RASGRP1: variants seen among roughly 807,000 people sequenced by gnomAD.
The protein encoded by RASGRP1 is RAS guanyl-releasing protein 1.
Under a neutral mutation model 95.1 loss-of-function variants are expected in RASGRP1, and 37 were observed. That is an observed-to-expected ratio of 0.39 (90% CI 0.30 to 0.51). The LOEUF (loss-of-function observed/expected upper bound fraction) is 0.51. Among genes scored for constraint, RASGRP1 ranks in the 20% least tolerant of loss-of-function variants. The probability of loss-of-function intolerance (pLI) is 0.80; values close to 1 mark genes in which losing one functional copy is unlikely to be tolerated. For synonymous variants in RASGRP1, 325 were observed against 353.4 expected, an observed-to-expected ratio of 0.92 and a Z score of 0.90; for missense variants, 711 against 965.4, an observed-to-expected ratio of 0.74 and a Z score of 3.49.
chr15:38,519,794 A>G (rs1187268727), intron 3 of RASGRP1, among the ~76,000 whole-genome samples: 2 of 152,130 alleles, frequency 1.3e-5, no homozygotes, highest in Non-Finnish European at 2.9e-5. Flanking sequence ...ATCTTTTACA[A>G]TGTTTCTTTT....
intron 3 of RASGRP1, chr15:38,524,528 T>C (rs1312811051): frequency 6.6e-6 from 1 of 152,266 alleles, no homozygotes; most frequent in Non-Finnish European, 1.5e-5. Context: ...TGCCTAATGC[T>C]TCTGGGGGTC....
At chr15:38,548,066 C>T (rs1362113498) in intron 2 of RASGRP1, among the ~76,000 whole-genome samples, 1 of 150,938 alleles carries the variant, frequency 6.6e-6, no homozygotes, top group Non-Finnish European at 1.5e-5. Flanking sequence ...ATGTCAAGTA[C>T]ATGACACGGG....
intron 1 of RASGRP1, 107 bp downstream of exon 1, chr15:38,564,486 GC>G: frequency 1.2e-5 from 12 of 1,013,608 alleles, no homozygotes; most frequent in Non-Finnish European, 1.3e-5. Flanking sequence ...GCCGACCCCG[GC>G]CCCCCTCCGC....
At chr15:38,490,807 C>A in intron 16 of RASGRP1, 119 bp from the exon 17 acceptor site, 3 of 1,052,670 alleles carry the variant, frequency 2.8e-6, no homozygotes, top group East Asian at 2.6e-5. Flanking sequence ...AATTAACAAC[C>A]ATTTTCAAGA....
intron 2 of RASGRP1, among the ~76,000 whole-genome samples, chr15:38,554,236 G>A (rs1893456751): frequency 6.6e-6 from 1 of 152,102 alleles, no homozygotes; most frequent in African/African-American, 2.4e-5. Context: ...ACTTTCCACA[G>A]GTCATTTAAC....
intron 9 of RASGRP1, among the ~76,000 whole-genome samples, chr15:38,506,675 T>C (rs528834203): frequency 6.6e-6 from 1 of 151,114 alleles, no homozygotes; most frequent in Non-Finnish European, 1.5e-5. Context: ...GTTTCATGTA[T>C]CTTAGAACTA....
At chr15:38,545,985 T>A (rs534673609) in intron 2 of RASGRP1, among the ~76,000 whole-genome samples, 154 of 152,286 alleles carry the variant, frequency 1.0e-3, no homozygotes, top group African/African-American at 3.4e-3. Flanking sequence ...TCTAGTCTCA[T>A]AGCTGTTCGT....
In RASGRP1 at chr15:38,529,580, C is replaced by T. The variant is rs528928359; in HGVS notation, c.221-3176G>A. On this transcript the variant is annotated intron_variant, in intron 2 of 16. Coordinates refer to ENST00000310803, the MANE Select transcript of RASGRP1 (RefSeq NM_005739.4). ...GCCTGAGTTTTCTCATGGTACTTAC[C>T]ATTATCTGAAGTTATCTGCTTTATT... Among the ~76,000 whole-genome samples, 12 of 152,276 alleles carry T rather than the reference C, an allele frequency of 7.9e-5. No homozygotes were observed. In the South Asian group the frequency reaches 2.5e-3, roughly 32 times the overall value.
At chr15:38,539,670 A>G (rs1384064289) in intron 2 of RASGRP1, among the ~76,000 whole-genome samples, 1 of 151,902 alleles carries the variant, frequency 6.6e-6, no homozygotes, top group Non-Finnish European at 1.5e-5. Flanking sequence ...TGCCGCACCC[A>G]CTAACTCGTC....
At chr15:38,516,058 ACT>A in intron 6 of RASGRP1, 137 bp downstream of exon 6, 5 of 979,872 alleles carry the variant, frequency 5.1e-6, no homozygotes, top group South Asian at 5.0e-5. Flanking sequence ...ATTTTTTCAG[ACT>A]CTATGATGTC....
chr15:38,490,842 A>G (rs576553192), intron 16 of RASGRP1, among the ~76,000 whole-genome samples, 154 bp from the exon 17 acceptor site: 79 of 152,366 alleles, frequency 5.2e-4, no homozygotes, highest in African/African-American at 1.9e-3. Context: ...TGAATAGAAA[A>G]TAGCAAGTTA....
At chr15:38,561,798 A>G (rs1046625743) in intron 1 of RASGRP1, among the ~76,000 whole-genome samples, 21 of 152,254 alleles carry the variant, frequency 1.4e-4, no homozygotes, top group Admixed American at 1.2e-3. Context: ...TGAAAGATCA[A>G]GTCGGTGGTA....
Position 38,559,942 on chromosome 15 carries a change from G to A in RASGRP1, c.99C>T (p.Ser33=), listed in dbSNP as rs772557493. ...CCAAGCTGGGATGGGAGGGGAAGGGGCTGTTGGCTGGCTTTGCCTCTAGTC... is the reference window on the plus strand; with the variant it reads ...CCAAGCTGGGATGGGAGGGGAAGGGACTGTTGGCTGGCTTTGCCTCTAGTC... ...KARLEAKPAN[S]PFPSHPSLAH... The change falls in exon 2 of 17, where the codon AGC becomes AGT. Residue 33 remains serine (S), a synonymous_variant. Coordinates refer to ENST00000310803, the MANE Select transcript of RASGRP1 (RefSeq NM_005739.4). 6.2e-7 allele frequency: 1 copy of A among 1,613,468 alleles called. No individual in the cohort carries two copies. Among genetic ancestry groups the A allele is most frequent in the Admixed American group, 1.7e-5 (1 of 59,984 alleles).
chr15:38,557,401 T>C (rs1404271913), intron 2 of RASGRP1, among the ~76,000 whole-genome samples: 1 of 152,190 alleles, frequency 6.6e-6, no homozygotes, highest in Non-Finnish European at 1.5e-5. Context: ...CTGCAGTACA[T>C]AATACACAAA....
intron 1 of RASGRP1, 47 bp from the exon 2 acceptor site, chr15:38,560,052 G>T (rs147065468): frequency 3.9e-5 from 57 of 1,470,020 alleles, no homozygotes; most frequent in Non-Finnish European, 5.1e-5. Flanking sequence ...GCAGCTCCAC[G>T]CTCTGAAGGC....
At chr15:38,505,741 A>G in intron 10 of RASGRP1, 99 bp downstream of exon 10, 2 of 954,412 alleles carry the variant, frequency 2.1e-6, no homozygotes, top group East Asian at 2.6e-5. Context: ...CAGTACATGT[A>G]TTAAACTGAA....
chr15:38,503,557 A>G, intron 10 of RASGRP1, 181 bp from the exon 11 acceptor site: 2 of 613,692 alleles, frequency 3.3e-6, no homozygotes, highest in South Asian at 2.0e-5. Flanking sequence ...CTAACAAGGC[A>G]TTGTGCTTAC....
chr15:38,517,840 TC>T (rs1891848804), intron 5 of RASGRP1, among the ~76,000 whole-genome samples: 1 of 152,168 alleles, frequency 6.6e-6, no homozygotes, highest in Non-Finnish European at 1.5e-5. Context: ...TGGAATCCCA[TC>T]CAGCTCTGGA....
chr15:38,547,857 G>A (rs1893161193), intron 2 of RASGRP1, among the ~76,000 whole-genome samples: 1 of 151,744 alleles, frequency 6.6e-6, no homozygotes, highest in Non-Finnish European at 1.5e-5. Flanking sequence ...GTGTGTGTGT[G>A]CGCGCGCGCG....
Sources: allele counts gnomAD v4.1 joint callset (sites outside exome capture counted in the v4.1 genomes callset), GRCh38; gene constraint gnomAD v4.1.1; transcripts MANE v1.5; gene names NCBI Gene and HGNC (gene_info 2026-07-23, HGNC 2026-07-21).